The following CSMD2 variants were observed in gnomAD, a reference collection of about 807,000 sequenced individuals.
The protein encoded by CSMD2 is CUB and Sushi multiple domains 2.
CSMD2 carries 130 observed loss-of-function variants against 398.5 expected under a neutral mutation model. That is an observed-to-expected ratio of 0.33 (90% confidence interval 0.28 to 0.38). The LOEUF (loss-of-function observed/expected upper bound fraction) is 0.38. Ranked by LOEUF, CSMD2 falls within the 10% of genes least tolerant of loss-of-function variation. The pLI is 1.00. For synonymous variants in CSMD2, 1,828 were observed against 1,908.5 expected, an observed-to-expected ratio of 0.96 and a Z score of 1.10; for missense variants, 3,829 against 4,764.9, an observed-to-expected ratio of 0.80 and a Z score of 5.78.
chr1:33,713,402 A>G (rs973758727), intron 21 of CSMD2, among the ~76,000 whole-genome samples: 2 of 152,100 alleles, frequency 1.3e-5, no homozygotes, highest in African/African-American at 4.8e-5. Flanking sequence ...GGTTTTATAT[A>G]CTATTTCACT....
At chr1:33,667,461 G>T (rs190081079) in intron 25 of CSMD2, among the ~76,000 whole-genome samples, 8 of 152,248 alleles carry the variant, frequency 5.3e-5, no homozygotes, top group Non-Finnish European at 1.2e-4. Flanking sequence ...GTCATGGGCT[G>T]GTTAGACAGT....
rs574446324 is a variant in CSMD2, at chr1:33,635,094, C to T, written c.5086+120G>A. 2.3e-4 allele frequency: 148 copies of T among 655,928 alleles called. No homozygotes were observed. The highest frequency in any genetic ancestry group is 1.1e-3 in the South Asian group (63 of 57,500). 40.6% of individuals were successfully genotyped at this position (655,928 alleles called of 1,614,324 possible). On this transcript the variant is annotated intron_variant, in intron 31 of 70. Coordinates refer to ENST00000373381, the MANE Select transcript of CSMD2 (RefSeq NM_001281956.2). The surrounding 1 kb of genome is among the most constrained non-coding windows in gnomAD (Gnocchi z 5.0). ...GCACTCGGCCGTCCTTTTGGGGAGA[C>T]TGTTCTGCGATTCCCACAATGGGGC...
chr1:33,540,503 A>T (rs773118088), intron 60 of CSMD2, 22 bp downstream of exon 60: 20 of 1,613,464 alleles, frequency 1.2e-5, no homozygotes, highest in Non-Finnish European at 1.5e-5. Flanking sequence ...GGATGCACCA[A>T]AGGCCCTTGT....
chr1:33,519,127 G>A lies in CSMD2; in HGVS notation c.*53+338C>T, dbSNP rs536198666. Among the ~76,000 whole-genome samples, 1 of 152,276 alleles carries A rather than the reference G, an allele frequency of 6.6e-6. No individual in the cohort carries two copies. The highest frequency in any genetic ancestry group is 1.9e-4 in the East Asian group (1 of 5,182). On this transcript the variant is annotated intron_variant, in intron 70 of 70. Coordinates refer to ENST00000373381, the MANE Select transcript of CSMD2 (RefSeq NM_001281956.2). The surrounding 1 kb of genome is among the most constrained non-coding windows in gnomAD (Gnocchi z 5.6). ...ATGTTCTGCCAAGCCCAGGGGTGAG[G>A]AGCAGTTTCTGGAGCCAGTCAGCCT...
At chr1:33,970,374 G>A (rs1222803165) in intron 3 of CSMD2, among the ~76,000 whole-genome samples, 8 of 152,028 alleles carry the variant, frequency 5.3e-5, no homozygotes, top group African/African-American at 1.2e-4. Flanking sequence ...CCCTGTGTCC[G>A]CAATCGCTAA....
chr1:33,644,760 T>C (rs1643319215), intron 29 of CSMD2, among the ~76,000 whole-genome samples: 1 of 152,032 alleles, frequency 6.6e-6, no homozygotes, highest in Admixed American at 6.6e-5. Context: ...TGGGTCTAAG[T>C]TGTGGCTTCT....
In CSMD2 at chr1:33,900,795, G is replaced by A. The variant is rs1314142673; in HGVS notation, c.920+17299C>T. 8.6e-5 allele frequency among the ~76,000 whole-genome samples: 13 copies of A among 150,746 alleles called. No individual in the cohort carries two copies. The Admixed American group carries it at 8.6e-4, about 10-fold the overall frequency. On this transcript the variant is annotated intron_variant, in intron 5 of 70. Transcript: ENST00000373381. ...AACTCCATCTCAAAAAAAAAAAAAAGAGTTTTGTAAACATTAAATGAGACC... is the reference window on the plus strand; with the variant it reads ...AACTCCATCTCAAAAAAAAAAAAAAAAGTTTTGTAAACATTAAATGAGACC...
At chr1:33,794,488 G>C (rs533185653) in intron 10 of CSMD2, among the ~76,000 whole-genome samples, 2 of 152,204 alleles carry the variant, frequency 1.3e-5, no homozygotes, top group South Asian at 4.1e-4. Flanking sequence ...GCAGCGGTGT[G>C]GAACAGGATG....
chr1:33,557,675 G>T, intron 55 of CSMD2, 59 bp downstream of exon 55: 1 of 1,409,932 alleles, frequency 7.1e-7, no homozygotes, highest in Non-Finnish European at 9.6e-7. Context: ...CAGAGGGGAG[G>T]ACTGTTCTTT....
upstream of CSMD2, chr1:34,165,607 C>G (rs1424563956): frequency 2.0e-5 from 15 of 754,168 alleles, no homozygotes; most frequent in Admixed American, 3.0e-4. Flanking sequence ...CAAACACACA[C>G]ACACACACAC....
chr1:33,923,769 G>A (rs1469514290), intron 4 of CSMD2, among the ~76,000 whole-genome samples: 1 of 152,176 alleles, frequency 6.6e-6, no homozygotes, highest in Non-Finnish European at 1.5e-5. Flanking sequence ...CAACCCCTAG[G>A]CCATGGACCG....
intron 42 of CSMD2, 106 bp from the exon 43 acceptor site, chr1:33,602,652 A>C: frequency 9.5e-7 from 1 of 1,050,444 alleles, no homozygotes; most frequent in Non-Finnish European, 1.3e-6. Context: ...TCATCCTGTC[A>C]GGGAGGTTGG....
Position 33,540,717 on chromosome 1 carries a change from A to T in CSMD2, c.9458-19T>A. The T allele has an allele frequency of 6.2e-7, 1 of 1,613,824 alleles. No individual in the cohort carries two copies. ...ATGAGAGCTGGAGGGAGACCAAAGCAGGCTGAGTTCTGATGCTGTCCTGGG... is the reference window on the plus strand; with the variant it reads ...ATGAGAGCTGGAGGGAGACCAAAGCTGGCTGAGTTCTGATGCTGTCCTGGG... On this transcript the variant is annotated intron_variant, in intron 59 of 70. Coordinates refer to ENST00000373381, the MANE Select transcript of CSMD2 (RefSeq NM_001281956.2).
intron 13 of CSMD2, among the ~76,000 whole-genome samples, chr1:33,751,713 C>CT (rs1648277336): frequency 6.6e-6 from 1 of 152,142 alleles, no homozygotes; most frequent in South Asian, 2.1e-4. Flanking sequence ...CCTCTGCCTC[C>CT]TGGGTTCATG....
At chr1:33,908,226 T>C (rs890546105) in intron 5 of CSMD2, among the ~76,000 whole-genome samples, 6 of 151,474 alleles carry the variant, frequency 4.0e-5, no homozygotes, top group South Asian at 2.1e-4. Flanking sequence ...TGAAACAACA[T>C]GTAGGTTAAG....
At chr1:34,105,778 T>C (rs1021410152) in intron 1 of CSMD2, among the ~76,000 whole-genome samples, 2 of 152,200 alleles carry the variant, frequency 1.3e-5, no homozygotes, top group Non-Finnish European at 2.9e-5. Context: ...CATATTGTAG[T>C]TTGAAGCATA....
chr1:33,679,373 T>G (rs1235446902), intron 25 of CSMD2, among the ~76,000 whole-genome samples: 1 of 152,102 alleles, frequency 6.6e-6, no homozygotes, highest in Non-Finnish European at 1.5e-5. Context: ...AGCTAATTTT[T>G]GTATTTATAG....
chr1:34,034,657 ACTTT>A (rs1239610903), intron 2 of CSMD2, among the ~76,000 whole-genome samples: 12 of 152,154 alleles, frequency 7.9e-5, no homozygotes, highest in Admixed American at 1.3e-4. Context: ...TTCTTTCTTT[ACTTT>A]CTTTTTTTCT....
intron 10 of CSMD2, 90 bp downstream of exon 10, chr1:33,810,653 G>T: frequency 7.7e-7 from 1 of 1,298,456 alleles, no homozygotes; most frequent in African/African-American, 1.5e-5. Context: ...TCTACCATCA[G>T]TAAGTTCTGG....
Sources: allele counts gnomAD v4.1 joint callset (sites outside exome capture counted in the v4.1 genomes callset), GRCh38; gene constraint gnomAD v4.1.1; non-coding constraint Gnocchi (gnomAD v3.1); transcripts MANE v1.5; gene names NCBI Gene and HGNC (gene_info 2026-07-23, HGNC 2026-07-21).